The following KDM6A variants were observed in gnomAD, a reference collection of about 807,000 sequenced individuals.
KDM6A encodes lysine demethylase 6A.
Under a neutral mutation model 117.6 loss-of-function variants are expected in KDM6A, and 11 were observed. The ratio of observed to expected loss-of-function variants is 0.09; its 90% CI spans 0.06 to 0.15. The LOEUF is 0.15. Among genes scored for constraint, KDM6A ranks in the 10% least tolerant of loss-of-function variants. KDM6A has a pLI of 1.00. For synonymous variants in KDM6A, 384 were observed against 396.1 expected, an observed-to-expected ratio of 0.97 and a Z score of 0.36; for missense variants, 799 against 1,077.3, an observed-to-expected ratio of 0.74 and a Z score of 3.62.
intron 14 of KDM6A, among the ~76,000 whole-genome samples, chrX:45,061,011 C>T (rs764907835): frequency 1.8e-5 from 2 of 111,232 alleles, no homozygotes; most frequent in South Asian, 7.5e-4. Flanking sequence ...TTTTCATCAT[C>T]ACTTTTTACT....
At chrX:44,949,541 T>C (rs2037860583) in intron 2 of KDM6A, among the ~76,000 whole-genome samples, 1 of 111,205 alleles carries the variant, frequency 9.0e-6, no homozygotes. Flanking sequence ...TTCTCTAGAT[T>C]TAAGGTTTTT....
chrX:44,958,603 C>G (rs1195132156), intron 2 of KDM6A, among the ~76,000 whole-genome samples: 2 of 83,413 alleles, frequency 2.4e-5, no homozygotes, highest in Non-Finnish European at 4.1e-5. Flanking sequence ...ACTATATAGA[C>G]CTTTTTTTTT....
chrX:44,924,558 G>A (rs1283326532), intron 2 of KDM6A, among the ~76,000 whole-genome samples: 3 of 110,871 alleles, frequency 2.7e-5, no homozygotes, highest in Admixed American at 9.6e-5. Context: ...TGTATTACAA[G>A]TTTTTCCACT....
rs113558804 is a variant in KDM6A, at chrX:44,964,277, C to T, written c.334+2885C>T. Reference sequence around the variant, plus strand: ...CCACCTGGCTAACCTGGTGAAACCCCGTCTCTACTAAAAATACAAAAATTG... The same window carrying T: ...CCACCTGGCTAACCTGGTGAAACCCTGTCTCTACTAAAAATACAAAAATTG... On this transcript the variant is annotated intron_variant, in intron 3 of 29. Coordinates refer to ENST00000611820, the MANE Select transcript of KDM6A (RefSeq NM_001291415.2). 5.7e-3 allele frequency among the ~76,000 whole-genome samples: 612 copies of T among 106,890 alleles called. 6 individuals carry two copies. Among genetic ancestry groups the T allele is most frequent in the African/African-American group, 0.02 (583 of 29,270 alleles). 92.8% of individuals were successfully genotyped at this position (106,890 alleles called of 115,157 possible). A position where few individuals can be genotyped will look rare whatever the true frequency, so the allele number is the denominator to read the frequency against.
At chrX:44,947,618 T>C (rs2037726605) in intron 2 of KDM6A, among the ~76,000 whole-genome samples, 1 of 110,771 alleles carries the variant, frequency 9.0e-6, no homozygotes, top group Non-Finnish European at 1.9e-5. Context: ...CCTCATGATC[T>C]GCCCACCTTG....
At chrX:44,974,840 A>C in intron 4 of KDM6A, 125 bp downstream of exon 4, 1 of 535,645 alleles carries the variant, frequency 1.9e-6, no homozygotes, top group East Asian at 3.5e-5. Context: ...TTCTAGGGGA[A>C]AGGTATTGGA....
intron 2 of KDM6A, among the ~76,000 whole-genome samples, chrX:44,908,281 T>G (rs2034857592): frequency 8.9e-6 from 1 of 111,875 alleles, no homozygotes; most frequent in South Asian, 3.7e-4. Flanking sequence ...GGTCTGGTTA[T>G]CTTGTTGCAT....
At chrX:44,884,605 CAGTAT>C (rs2032672236) in intron 2 of KDM6A, among the ~76,000 whole-genome samples, 3 of 111,565 alleles carry the variant, frequency 2.7e-5, no homozygotes, top group East Asian at 5.6e-4. Context: ...GAAAGGTGCT[CAGTAT>C]AAGATAATAT....
chrX:44,891,479 G>C (rs2033358888), intron 2 of KDM6A, among the ~76,000 whole-genome samples: 1 of 111,602 alleles, frequency 9.0e-6, no homozygotes, highest in Admixed American at 9.6e-5. Flanking sequence ...TATTATGTTC[G>C]ATTTGTCTAC....
intron 25 of KDM6A, among the ~76,000 whole-genome samples, chrX:45,088,724 A>G (rs752006144): frequency 2.6e-5 from 3 of 113,454 alleles, no homozygotes; most frequent in East Asian, 5.5e-4. Context: ...GAAGTGGTTA[A>G]TTCAATTTTA....
intron 23 of KDM6A, 69 bp downstream of exon 23, chrX:45,082,858 C>T (rs2045477920): frequency 1.0e-5 from 7 of 672,525 alleles, no homozygotes; most frequent in Non-Finnish European, 1.7e-5. Context: ...TGGGAATTCT[C>T]TACAATTTCC....
chrX:44,926,874 CAT>C (rs1030642882), intron 2 of KDM6A, among the ~76,000 whole-genome samples: 24 of 111,251 alleles, frequency 2.2e-4, no homozygotes, highest in Admixed American at 1.9e-4. Flanking sequence ...AGTAATGAAA[CAT>C]GTGGACTCTG....
intron 5 of KDM6A, among the ~76,000 whole-genome samples, chrX:45,019,232 C>T (rs1347070080): frequency 9.0e-6 from 1 of 111,176 alleles, no homozygotes; most frequent in African/African-American, 3.3e-5. Context: ...CTCTCCTCTC[C>T]TGCCTCAAAG....
chrX:45,003,912 C>T (rs2041296014), intron 4 of KDM6A, among the ~76,000 whole-genome samples: 1 of 95,373 alleles, frequency 1.0e-5, no homozygotes, highest in African/African-American at 3.9e-5. Context: ...CCCCCTCTTC[C>T]ACCCCCGCTT....
intron 4 of KDM6A, among the ~76,000 whole-genome samples, chrX:44,989,775 A>G (rs1246383402): frequency 1.8e-5 from 2 of 111,579 alleles, no homozygotes; most frequent in Non-Finnish European, 3.8e-5. Flanking sequence ...AAGTTTTCCA[A>G]GAAGAGAAGT....
intron 7 of KDM6A, 107 bp downstream of exon 7, chrX:45,035,092 G>A (rs2042754069): frequency 1.5e-6 from 1 of 683,246 alleles, no homozygotes; most frequent in African/African-American, 2.1e-5. Flanking sequence ...TTTTAGAATT[G>A]TTTAATGTAA....
At chrX:44,876,862 C>A (rs2031623401) in intron 2 of KDM6A, among the ~76,000 whole-genome samples, 1 of 110,594 alleles carries the variant, frequency 9.0e-6, no homozygotes, top group Non-Finnish European at 1.9e-5. Flanking sequence ...TGTACGTATA[C>A]ATATATACAC....
rs147058622 is a variant in KDM6A, at chrX:44,988,081, G to A, written c.384+13366G>A. The stretch of plus-strand genomic sequence containing the variant: ...AGATTTGGTCTTTTCACGTAGTCCC[G>A]TATTTCTTGCAGGCTTTGTTCGTTT... On this transcript the variant is annotated intron_variant, in intron 4 of 29. Coordinates refer to ENST00000611820, the MANE Select transcript of KDM6A (RefSeq NM_001291415.2). Among the ~76,000 whole-genome samples the A allele has an allele frequency of 5.2e-3, 584 of 111,718 alleles. 7 individuals are homozygous for A. The highest frequency in any genetic ancestry group is 0.018 in the African/African-American group (568 of 30,730).
At chrX:44,995,241 T>G (rs2040810170) in intron 4 of KDM6A, among the ~76,000 whole-genome samples, 1 of 111,132 alleles carries the variant, frequency 9.0e-6, no homozygotes, top group Non-Finnish European at 1.9e-5. Flanking sequence ...TGGCTTTCAG[T>G]GTTGGCTTAC....
Sources: gnomAD v4.1 joint callset for allele counts (sites outside exome capture counted in the v4.1 genomes callset) on GRCh38, gnomAD v4.1.1 for gene constraint, MANE v1.5 for transcripts, NCBI Gene and HGNC (gene_info 2026-07-23, HGNC 2026-07-21) for gene names.